Variants in MAPKAP1 observed in about 807,000 individuals in gnomAD.
MAPKAP1 encodes the protein target of rapamycin complex 2 subunit MAPKAP1.
A neutral mutation model predicts 65.7 loss-of-function variants in MAPKAP1; 20 were observed. The observed-to-expected ratio is 0.30, with a 90% CI of 0.21 to 0.44. The LOEUF (loss-of-function observed/expected upper bound fraction) is 0.44, where lower values mean the gene tolerates loss of function less well. Among genes scored for constraint, MAPKAP1 ranks in the 20% least tolerant of loss-of-function variants. The probability of loss-of-function intolerance (pLI) is 1.00; values close to 1 mark genes in which losing one functional copy is unlikely to be tolerated. For synonymous variants in MAPKAP1, 222 were observed against 244.3 expected, an observed-to-expected ratio of 0.91 and a Z score of 0.85; for missense variants, 423 against 648.0, an observed-to-expected ratio of 0.65 and a Z score of 3.77.
chr9:125,556,554 TAGTA>T (rs1167094941), intron 6 of MAPKAP1, among the ~76,000 whole-genome samples: 1 of 152,196 alleles, frequency 6.6e-6, no homozygotes, highest in Non-Finnish European at 1.5e-5. Context: ...AGTTGGCCCT[TAGTA>T]AGTATTAGTT....
chr9:125,672,612 T>C lies in MAPKAP1; in HGVS notation c.-38A>G. 6.2e-7 allele frequency: 1 copy of C among 1,606,352 alleles called. No homozygotes were observed. Among genetic ancestry groups the C allele is most frequent in the Non-Finnish European group, 8.5e-7 (1 of 1,174,838 alleles). ...CCAATTTCCTTAAAAGGCTATTTTC[T>C]CCTCTTCATATTGTTTCACGAGCTC... On this transcript the variant is annotated 5_prime_UTR_variant, in exon 2 of 12. Transcript: ENST00000265960.
chr9:125,707,113 C>T lies in MAPKAP1; in HGVS notation c.-212G>A, dbSNP rs899521389. On this transcript the variant is annotated 5_prime_UTR_variant, in exon 1 of 12. Transcript: ENST00000265960. ...GGGGACCGGCGCTCCTCCCGGCCCG[C>T]TCAGCTGCCGCTTCCCGGGTTAGCC... The T allele has an allele frequency of 5.0e-5, 20 of 398,306 alleles. No individual in the cohort carries two copies. Among genetic ancestry groups the T allele is most frequent in the Admixed American group, 4.0e-4 (9 of 22,734 alleles). The allele number at this position is 398,306 out of a possible 1,614,324, so 24.7% of individuals were successfully genotyped here.
intron 9 of MAPKAP1, among the ~76,000 whole-genome samples, chr9:125,476,304 C>T (rs1473909421): frequency 6.6e-6 from 1 of 152,204 alleles, no homozygotes; most frequent in East Asian, 1.9e-4. Flanking sequence ...TCAGGAAATG[C>T]TGTCACAATA....
chr9:125,445,121 A>T (rs558467514), intron 10 of MAPKAP1, among the ~76,000 whole-genome samples: 6 of 151,202 alleles, frequency 4.0e-5, no homozygotes, highest in African/African-American at 1.2e-4. Context: ...GCCTCAGGTC[A>T]TCTCAACCCT....
At chr9:125,597,300 C>T (rs1362123463) in intron 4 of MAPKAP1, among the ~76,000 whole-genome samples, 2 of 141,986 alleles carry the variant, frequency 1.4e-5, no homozygotes, top group African/African-American at 5.4e-5. Context: ...AAAGCTTGGC[C>T]TGGTGGCACA....
chr9:125,640,756 GGTAA>G (rs1298869043), intron 4 of MAPKAP1, among the ~76,000 whole-genome samples: 1 of 152,178 alleles, frequency 6.6e-6, no homozygotes, highest in Non-Finnish European at 1.5e-5. Context: ...CAAGTGACAT[GGTAA>G]GTAACAGAAC....
chr9:125,698,334 T>TATATATAA (rs1564622652), intron 1 of MAPKAP1, among the ~76,000 whole-genome samples: 18 of 112,232 alleles, frequency 1.6e-4, no homozygotes, highest in Non-Finnish European at 2.9e-4. Flanking sequence ...TATATATATA[T>TATATATAA]ATAAAATATA....
chr9:125,564,613 C>T (rs1162405293), intron 5 of MAPKAP1, among the ~76,000 whole-genome samples: 1 of 152,110 alleles, frequency 6.6e-6, no homozygotes, highest in Non-Finnish European at 1.5e-5. Flanking sequence ...CCTAAGTGGT[C>T]ATTTTCTCTA....
In MAPKAP1 at chr9:125,438,853, G is replaced by A; in HGVS notation, c.*34C>T. 6.2e-7 allele frequency: 1 copy of A among 1,613,654 alleles called. No individual in the cohort carries two copies. The highest frequency in any genetic ancestry group is 8.5e-7 in the Non-Finnish European group (1 of 1,179,794). On this transcript the variant is annotated 3_prime_UTR_variant, in exon 12 of 12. Transcript: ENST00000265960. The stretch of plus-strand genomic sequence containing the variant: ...CACTTGGCCCTGGCAGGCAGGCTCT[G>A]AGCTACGGAACAGATTGAGGCTGGA...
At chr9:125,575,370 G>A (rs1377233181) in intron 5 of MAPKAP1, among the ~76,000 whole-genome samples, 2 of 152,082 alleles carry the variant, frequency 1.3e-5, no homozygotes, top group Non-Finnish European at 2.9e-5. Flanking sequence ...TGAATAAAAT[G>A]TGATGCTTGA....
intron 9 of MAPKAP1, among the ~76,000 whole-genome samples, chr9:125,477,566 C>T (rs2133015790): frequency 6.6e-6 from 1 of 152,288 alleles, no homozygotes; most frequent in South Asian, 2.1e-4. Context: ...AGGTGCTCTG[C>T]ATATAAGAGG....
At chr9:125,640,173 T>TTG in intron 4 of MAPKAP1, among the ~76,000 whole-genome samples, 1 of 152,166 alleles carries the variant, frequency 6.6e-6, no homozygotes, top group Admixed American at 6.5e-5. Flanking sequence ...GCACGATCTC[T>TTG]GCTCACTGCA....
At chr9:125,471,807 G>A (rs1358148976) in intron 9 of MAPKAP1, 1 of 152,336 alleles carries the variant, frequency 6.6e-6, no homozygotes, top group Non-Finnish European at 1.5e-5. Flanking sequence ...GCTTCGGCAG[G>A]CTCGGGCACC....
intron 4 of MAPKAP1, among the ~76,000 whole-genome samples, chr9:125,657,165 C>T (rs1290011490): frequency 6.6e-6 from 1 of 152,144 alleles, no homozygotes; most frequent in African/African-American, 2.4e-5. Context: ...ACTTTCAAGG[C>T]TTTCCCAATA....
chr9:125,442,128 CAAAAAAAAAAAAA>C lies in MAPKAP1; in HGVS notation c.1443+2360_1443+2372del, dbSNP rs71492449. On this transcript the variant is annotated intron_variant, in intron 11 of 11. Transcript: ENST00000265960. Reference sequence around the variant, plus strand: ...TGTGCAACAGAGTGAGACTCTGTCTCAAAAAAAAAAAAAAAAAAAAAAAAAAATCAGAGGTGGG... The same window carrying C: ...TGTGCAACAGAGTGAGACTCTGTCTCAAAAAAAAAAAAAATCAGAGGTGGG... Among the ~76,000 whole-genome samples the C allele has an allele frequency of 1.4e-3, 56 of 38,760 alleles. 1 individual carries two copies. In the East Asian group the frequency reaches 0.043, roughly 30 times the overall value. The allele number at this position is 38,760 out of a possible 152,430, so 25.4% of individuals were successfully genotyped here.
intron 10 of MAPKAP1, among the ~76,000 whole-genome samples, chr9:125,453,531 G>A (rs1853043773): frequency 6.6e-6 from 1 of 152,242 alleles, no homozygotes; most frequent in South Asian, 2.1e-4. Context: ...ATATTTTAAT[G>A]TTCTTCTTTG....
intron 5 of MAPKAP1, among the ~76,000 whole-genome samples, chr9:125,580,681 A>AT (rs2131567264): frequency 9.0e-6 from 1 of 111,208 alleles, no homozygotes; most frequent in African/African-American, 2.9e-5. Context: ...ACTTAAAAGT[A>AT]TAAAAAAAAA....
chr9:125,495,666 T>A (rs1469488188), intron 8 of MAPKAP1, among the ~76,000 whole-genome samples: 1 of 151,868 alleles, frequency 6.6e-6, no homozygotes, highest in East Asian at 1.9e-4. Context: ...AAGAAGAGAG[T>A]GAAAAATGCA....
intron 4 of MAPKAP1, among the ~76,000 whole-genome samples, chr9:125,608,000 T>C (rs1046920386): frequency 6.6e-6 from 1 of 152,286 alleles, no homozygotes; most frequent in East Asian, 1.9e-4. Flanking sequence ...AGGATGGCCA[T>C]GTCAATGGGC....
Sources: gnomAD v4.1 joint callset for allele counts (sites outside exome capture counted in the v4.1 genomes callset) on GRCh38, gnomAD v4.1.1 for gene constraint, MANE v1.5 for transcripts, NCBI Gene and HGNC (gene_info 2026-07-23, HGNC 2026-07-21) for gene names.